CFAP299: variants seen among roughly 807,000 people sequenced by gnomAD.
CFAP299 encodes cilia and flagella associated protein 299, also known as cilia- and flagella-associated protein 299.
CFAP299 carries 21 observed loss-of-function variants against 27.0 expected under a neutral mutation model. The ratio of observed to expected loss-of-function variants is 0.78; its 90% CI spans 0.55 to 1.12. The LOEUF (loss-of-function observed/expected upper bound fraction) is 1.12. Ranked by LOEUF, CFAP299 falls within the 50% of genes most tolerant of loss-of-function variation. CFAP299 has a pLI of 0.00. For missense variants in CFAP299, 310 were observed against 276.6 expected (o/e 1.12, Z -0.86); for synonymous variants, 104 against 98.1 (o/e 1.06, Z -0.36).
At chr4:80,583,759 T>C (rs975831347) in intron 3 of CFAP299, among the ~76,000 whole-genome samples, 2 of 152,000 alleles carry the variant, frequency 1.3e-5, no homozygotes, top group African/African-American at 4.8e-5. Flanking sequence ...ACTTTGTTAA[T>C]ATGATATTTG....
intron 3 of CFAP299, among the ~76,000 whole-genome samples, chr4:80,787,253 A>G (rs1383449956): frequency 1.3e-5 from 2 of 149,032 alleles, no homozygotes; most frequent in Non-Finnish European, 3.0e-5. Context: ...TATATAGTAA[A>G]TATGCAATAT....
At chr4:80,387,777 G>A in intron 2 of CFAP299, 1 of 1,586,976 alleles carries the variant, frequency 6.3e-7, no homozygotes. Flanking sequence ...TGAATGACTT[G>A]TCACAGTATG....
intron 2 of CFAP299, among the ~76,000 whole-genome samples, chr4:80,436,297 C>CTTTTTTTTTTTTTTTTTTTTT (rs781551098): frequency 7.3e-6 from 1 of 136,430 alleles, no homozygotes; most frequent in African/African-American, 2.7e-5. Context: ...TGTGGGATAT[C>CTTTTTTTTTTTTTTTTTTTTT]TTTTTTTTTT....
chr4:80,804,203 G>C (rs1463505160), intron 3 of CFAP299, among the ~76,000 whole-genome samples: 2 of 152,054 alleles, frequency 1.3e-5, no homozygotes, highest in East Asian at 3.9e-4. Context: ...TAGTCACAAT[G>C]TACAACCATC....
intron 3 of CFAP299, among the ~76,000 whole-genome samples, chr4:80,853,661 G>T (rs566390681): frequency 6.6e-6 from 1 of 152,240 alleles, no homozygotes; most frequent in South Asian, 2.1e-4. Context: ...GAATCAGGTT[G>T]GAAAAATATG....
rs148532699 is a variant in CFAP299 at position 80,524,354 on chromosome 4, C to T, written c.243-58739C>T. Among the ~76,000 whole-genome samples the T allele has an allele frequency of 2.5e-3, 385 of 152,110 alleles. 1 individual carries two copies. The highest frequency in any genetic ancestry group is 5.8e-3 in the Admixed American group (88 of 15,260). On this transcript the variant is annotated intron_variant, in intron 2 of 5. Transcript: ENST00000358105. ...CTAGCCCAGAGTTTCTCAGCCTCAGCACTATTGACAGTTTGTTTCTAGAGG... is the reference window on the plus strand; with the variant it reads ...CTAGCCCAGAGTTTCTCAGCCTCAGTACTATTGACAGTTTGTTTCTAGAGG...
chr4:80,516,978 C>G (rs1052833390), intron 2 of CFAP299, among the ~76,000 whole-genome samples: 8 of 152,172 alleles, frequency 5.3e-5, no homozygotes, highest in African/African-American at 1.9e-4. Flanking sequence ...ACAGCTCTAT[C>G]TTCAGTGCCT....
Position 80,831,733 on chromosome 4 carries a change from C to T in CFAP299, c.334-38260C>T, listed in dbSNP as rs951888744. Among the ~76,000 whole-genome samples, 5 of 152,090 alleles carry T rather than the reference C, an allele frequency of 3.3e-5. No homozygotes were observed. In the East Asian group the frequency reaches 9.6e-4, roughly 29 times the overall value. On this transcript the variant is annotated intron_variant, in intron 3 of 5. Coordinates refer to ENST00000358105, the MANE Select transcript of CFAP299 (RefSeq NM_152770.3). The stretch of plus-strand genomic sequence containing the variant: ...AAAGGATATTTTAGTGAAATCTATA[C>T]CATTCATATTCCAAATGTATACAAC...
intron 2 of CFAP299, among the ~76,000 whole-genome samples, chr4:80,437,867 A>C (rs1179187750): frequency 6.6e-6 from 1 of 152,160 alleles, no homozygotes. Flanking sequence ...AGCTTATAGC[A>C]CTATTGTTGT....
intron 3 of CFAP299, among the ~76,000 whole-genome samples, chr4:80,724,567 G>A (rs1022427862): frequency 7.2e-5 from 11 of 151,920 alleles, no homozygotes; most frequent in South Asian, 2.1e-4. Context: ...AGCCTATTTC[G>A]TCACTGACTT....
intron 4 of CFAP299, among the ~76,000 whole-genome samples, chr4:80,880,503 G>A (rs951121245): frequency 6.6e-6 from 1 of 152,162 alleles, no homozygotes; most frequent in African/African-American, 2.4e-5. Flanking sequence ...AGGCCGAGGC[G>A]AGCAGATCAC....
chr4:80,673,407 G>T (rs1462016660), intron 3 of CFAP299, among the ~76,000 whole-genome samples: 1 of 152,100 alleles, frequency 6.6e-6, no homozygotes, highest in Non-Finnish European at 1.5e-5. Context: ...TTTTACATTT[G>T]CTGAGGCATG....
At chr4:80,527,082 G>A (rs565330799) in intron 2 of CFAP299, among the ~76,000 whole-genome samples, 1 of 152,220 alleles carries the variant, frequency 6.6e-6, no homozygotes, top group East Asian at 1.9e-4. Flanking sequence ...ATGCACACAA[G>A]TGCTTAATAG....
chr4:80,908,369 T>A (rs914371765), intron 4 of CFAP299, among the ~76,000 whole-genome samples: 4 of 152,226 alleles, frequency 2.6e-5, no homozygotes, highest in Admixed American at 2.0e-4. Context: ...CCCACAGAGT[T>A]TAAACTTTAA....
intron 3 of CFAP299, among the ~76,000 whole-genome samples, chr4:80,820,727 T>C (rs1210470761): frequency 1.3e-5 from 2 of 152,158 alleles, no homozygotes; most frequent in African/African-American, 4.8e-5. Context: ...GACAGAATCA[T>C]TCTCTTTGCG....
At chr4:80,618,080 T>C (rs1375082117) in intron 3 of CFAP299, among the ~76,000 whole-genome samples, 2 of 152,152 alleles carry the variant, frequency 1.3e-5, no homozygotes, top group Non-Finnish European at 1.5e-5. Flanking sequence ...GGTTGTCCTA[T>C]GCATGTTGCA....
intron 2 of CFAP299, among the ~76,000 whole-genome samples, chr4:80,455,000 A>G (rs570466364): frequency 3.9e-5 from 6 of 152,280 alleles, no homozygotes; most frequent in African/African-American, 1.4e-4. Context: ...TCTGGGTGAC[A>G]CTAGCTGATC....
chr4:80,443,423 C>T (rs940950143), intron 2 of CFAP299, among the ~76,000 whole-genome samples: 1 of 152,184 alleles, frequency 6.6e-6, no homozygotes, highest in Non-Finnish European at 1.5e-5. Context: ...GAACCAATGA[C>T]AAAAACCACA....
chr4:80,800,673 A>C (rs531201470), intron 3 of CFAP299, among the ~76,000 whole-genome samples: 2 of 112,114 alleles, frequency 1.8e-5, no homozygotes, highest in East Asian at 4.6e-4. Context: ...TATTAATATA[A>C]ATATATGATA....
Sources: gnomAD v4.1 joint callset for allele counts (sites outside exome capture counted in the v4.1 genomes callset) on GRCh38, gnomAD v4.1.1 for gene constraint, MANE v1.5 for transcripts, NCBI Gene and HGNC (gene_info 2026-07-23, HGNC 2026-07-21) for gene names.